The following SPOCK1 variants were observed in gnomAD, a reference collection of about 807,000 sequenced individuals.
SPOCK1 encodes testican-1.
A neutral mutation model predicts 55.3 loss-of-function variants in SPOCK1; 23 were observed. The ratio of observed to expected loss-of-function variants is 0.42; its 90% CI spans 0.30 to 0.59. SPOCK1 has a LOEUF of 0.59. Among genes scored for constraint, SPOCK1 ranks in the 20% least tolerant of loss-of-function variants. The pLI is 0.22. For missense variants in SPOCK1, 499 were observed against 552.5 expected, an observed-to-expected ratio of 0.90 and a Z score of 0.97; for synonymous variants, 226 against 221.0, an observed-to-expected ratio of 1.02 and a Z score of -0.20.
chr5:137,150,622 T>G (rs771177695), intron 3 of SPOCK1, among the ~76,000 whole-genome samples: 1 of 151,088 alleles, frequency 6.6e-6, no homozygotes. Context: ...AGACAAGGAG[T>G]CCAGGGAATT....
At chr5:137,278,418 C>T (rs1344129998) in intron 2 of SPOCK1, among the ~76,000 whole-genome samples, 2 of 152,216 alleles carry the variant, frequency 1.3e-5, no homozygotes, top group Non-Finnish European at 2.9e-5. Flanking sequence ...AAGCCTACCA[C>T]AAATGGACCC....
At chr5:137,476,255 A>G (rs905589416) in intron 2 of SPOCK1, among the ~76,000 whole-genome samples, 1 of 152,148 alleles carries the variant, frequency 6.6e-6, no homozygotes, top group African/African-American at 2.4e-5. Flanking sequence ...CAATTTCTGG[A>G]AGAATATGTA....
intron 2 of SPOCK1, among the ~76,000 whole-genome samples, chr5:137,271,890 G>A (rs887472046): frequency 6.6e-6 from 1 of 152,234 alleles, no homozygotes; most frequent in East Asian, 1.9e-4. Flanking sequence ...TAAGCTGTTT[G>A]AACCCTGCCG....
chr5:137,449,912 A>T (rs139050372), intron 2 of SPOCK1, among the ~76,000 whole-genome samples: 1 of 142,010 alleles, frequency 7.0e-6, no homozygotes, highest in Non-Finnish European at 1.5e-5. Context: ...AAAAAAAAAA[A>T]AAAAAGAAAG....
At chr5:137,152,187 T>C (rs150794229) in intron 3 of SPOCK1, among the ~76,000 whole-genome samples, 258 of 152,346 alleles carry the variant, frequency 1.7e-3, no homozygotes, top group African/African-American at 5.9e-3. Flanking sequence ...TTAAGTCTTA[T>C]GTATTCTTGC....
intron 2 of SPOCK1, among the ~76,000 whole-genome samples, chr5:137,335,728 C>T (rs556916146): frequency 5.9e-5 from 9 of 152,342 alleles, no homozygotes; most frequent in African/African-American, 1.9e-4. Flanking sequence ...TCAGGCCTTG[C>T]ACAGGGAAAG....
intron 6 of SPOCK1, among the ~76,000 whole-genome samples, chr5:136,993,726 G>A (rs1027228458): frequency 6.6e-6 from 1 of 152,166 alleles, no homozygotes; most frequent in East Asian, 1.9e-4. Context: ...ACACAGATTA[G>A]GGCTCAGAAC....
At chr5:137,356,847 A>AGAGAGAGC (rs1750826640) in intron 2 of SPOCK1, among the ~76,000 whole-genome samples, 1 of 93,640 alleles carries the variant, frequency 1.1e-5, no homozygotes, top group Non-Finnish European at 2.2e-5. Flanking sequence ...ATAGAGAGAG[A>AGAGAGAGC]GAGAGAGAGA....
chr5:137,292,296 A>G (rs532105523), intron 2 of SPOCK1, among the ~76,000 whole-genome samples: 66 of 152,170 alleles, frequency 4.3e-4, no homozygotes, highest in African/African-American at 1.5e-3. Flanking sequence ...AACAGTCTTA[A>G]TTACCCCTGA....
intron 3 of SPOCK1, among the ~76,000 whole-genome samples, chr5:137,197,532 A>T (rs1183316645): frequency 6.6e-6 from 1 of 152,242 alleles, no homozygotes; most frequent in Non-Finnish European, 1.5e-5. Context: ...TGTGTGTGAC[A>T]TGCCTGCCAC....
intron 2 of SPOCK1, among the ~76,000 whole-genome samples, chr5:137,356,373 T>G (rs1044408757): frequency 6.6e-6 from 1 of 152,132 alleles, no homozygotes; most frequent in Non-Finnish European, 1.5e-5. Context: ...TTTAGGAAAC[T>G]TAGTGGGAAA....
chr5:137,307,139 C>A (rs1757713108), intron 2 of SPOCK1, among the ~76,000 whole-genome samples: 1 of 152,176 alleles, frequency 6.6e-6, no homozygotes, highest in Admixed American at 6.5e-5. Flanking sequence ...ATATCCAACG[C>A]CCAGTAAATA....
rs930013525 is a variant in SPOCK1 at position 137,169,753 on chromosome 5, G to A, written c.233-29059C>T. 8.5e-5 allele frequency among the ~76,000 whole-genome samples: 13 copies of A among 152,302 alleles called. No homozygotes were observed. The South Asian group carries it at 1.2e-3, about 15-fold the overall frequency. ...AGAAGTCTGGGAAGTAAGATGTGTT[G>A]TTCTCATTTTACCAATATGAAAAGC... On this transcript the variant is annotated intron_variant, in intron 3 of 10. Transcript: ENST00000394945.
At chr5:137,146,429 G>A (rs1396299364) in intron 3 of SPOCK1, among the ~76,000 whole-genome samples, 1 of 152,224 alleles carries the variant, frequency 6.6e-6, no homozygotes, top group African/African-American at 2.4e-5. Flanking sequence ...AGTTAAAGAT[G>A]CCTTGTTGTC....
At chr5:137,475,299 C>A (rs1157786287) in intron 2 of SPOCK1, among the ~76,000 whole-genome samples, 2 of 152,126 alleles carry the variant, frequency 1.3e-5, no homozygotes, top group Non-Finnish European at 2.9e-5. Context: ...CCCCCCTCGC[C>A]CCCAAATGGT....
At chr5:137,237,288 G>A (rs1756199059) in intron 3 of SPOCK1, among the ~76,000 whole-genome samples, 1 of 152,170 alleles carries the variant, frequency 6.6e-6, no homozygotes, top group Non-Finnish European at 1.5e-5. Context: ...GTGAATGGAA[G>A]AGTGGCAGTG....
intron 2 of SPOCK1, among the ~76,000 whole-genome samples, chr5:137,322,002 A>T (rs1426661519): frequency 1.3e-5 from 2 of 152,242 alleles, no homozygotes; most frequent in African/African-American, 4.8e-5. Flanking sequence ...GACCCGCCTT[A>T]TAAGAAAAGC....
chr5:136,985,115 A>G (rs375330384), intron 9 of SPOCK1, 25 bp downstream of exon 9: 25 of 1,611,544 alleles, frequency 1.6e-5, no homozygotes, highest in Non-Finnish European at 2.1e-5. Context: ...AGTTGTTTAA[A>G]TGAGTGGCAA....
At chr5:137,474,301 A>G (rs1473838928) in intron 2 of SPOCK1, among the ~76,000 whole-genome samples, 1 of 152,090 alleles carries the variant, frequency 6.6e-6, no homozygotes, top group Non-Finnish European at 1.5e-5. Flanking sequence ...TAATTCCTAG[A>G]CTCTTGTATA....
Sources: gnomAD v4.1 joint callset for allele counts (sites outside exome capture counted in the v4.1 genomes callset) on GRCh38, gnomAD v4.1.1 for gene constraint, MANE v1.5 for transcripts, NCBI Gene and HGNC (gene_info 2026-07-23, HGNC 2026-07-21) for gene names.